Variants in AP1B1 observed in about 807,000 individuals in gnomAD.
AP1B1 encodes the protein AP-1 complex subunit beta-1.
Under a neutral mutation model 104.3 loss-of-function variants are expected in AP1B1, and 36 were observed. The ratio of observed to expected loss-of-function variants is 0.35; its 90% CI spans 0.26 to 0.46. AP1B1 has a LOEUF of 0.46. Among genes scored for constraint, AP1B1 ranks in the 20% least tolerant of loss-of-function variants. The pLI is 1.00. For missense variants in AP1B1, 901 were observed against 1,247.9 expected (o/e 0.72, Z 4.19); for synonymous variants, 504 against 517.5 (o/e 0.97, Z 0.35).
chr22:29,347,541 T>A (rs773020953), intron 11 of AP1B1, among the ~76,000 whole-genome samples: 1 of 152,094 alleles, frequency 6.6e-6, no homozygotes, highest in Non-Finnish European at 1.5e-5. Context: ...ACCCACGGGA[T>A]TACACAACCC....
intron 14 of AP1B1, among the ~76,000 whole-genome samples, chr22:29,340,117 C>G (rs2061692464): frequency 6.6e-6 from 1 of 152,144 alleles, no homozygotes; most frequent in Admixed American, 6.5e-5. Context: ...CACACATGGT[C>G]CTGCCAGTTG....
intron 10 of AP1B1, 95 bp downstream of exon 10, chr22:29,349,940 G>T: frequency 1.0e-6 from 1 of 973,436 alleles, no homozygotes; most frequent in African/African-American, 1.6e-5. Context: ...TGGCCAAGAA[G>T]TAAGGAAGAG....
chr22:29,362,507 C>T (rs1482376908), intron 3 of AP1B1, among the ~76,000 whole-genome samples: 6 of 151,876 alleles, frequency 4.0e-5, no homozygotes, highest in Admixed American at 1.3e-4. Context: ...CCACCATGCC[C>T]GGCTACTTTT....
intron 1 of AP1B1, among the ~76,000 whole-genome samples, chr22:29,371,654 A>C (rs780479907): frequency 2.0e-5 from 3 of 152,052 alleles, no homozygotes; most frequent in Non-Finnish European, 4.4e-5. Flanking sequence ...GCATGAACCC[A>C]GAGGCGGAGC....
At chr22:29,387,701 G>GCCTTGC (rs1420806931) in intron 1 of AP1B1, among the ~76,000 whole-genome samples, 1 of 152,308 alleles carries the variant, frequency 6.6e-6, no homozygotes, top group East Asian at 1.9e-4. Flanking sequence ...AGAAAACCTG[G>GCCTTGC]CCTTGCCTCT....
At chr22:29,354,439 GC>G (rs34038047) in intron 7 of AP1B1, among the ~76,000 whole-genome samples, 2 of 152,074 alleles carry the variant, frequency 1.3e-5, no homozygotes, top group African/African-American at 2.4e-5. Flanking sequence ...CCGGTAGCAT[GC>G]CCCCCTCAGC....
chr22:29,332,137 C>T (rs1392818298), intron 17 of AP1B1: 1 of 498,238 alleles, frequency 2.0e-6, no homozygotes, highest in African/African-American at 1.9e-5. Context: ...AATTGCTCTG[C>T]TCTGCCCCAG....
At chr22:29,360,208 G>A (rs906070519) in intron 3 of AP1B1, among the ~76,000 whole-genome samples, 3 of 152,134 alleles carry the variant, frequency 2.0e-5, no homozygotes, top group African/African-American at 7.2e-5. Flanking sequence ...TCAAACATGA[G>A]TTCTGGAGCC....
chr22:29,366,833 GAC>G (rs200885223), intron 2 of AP1B1, among the ~76,000 whole-genome samples: 23,051 of 131,064 alleles, frequency 0.18, 2,041 homozygotes, highest in South Asian at 0.3. Context: ...CTTGGATAAG[GAC>G]ACACACACAC....
At position 29,340,674 on chromosome 22, in the gene AP1B1, G is replaced by T. The variant is rs748849742; in HGVS notation, c.1980C>A (p.Gly660=). The change falls in exon 14 of 23, where the codon GGC becomes GGA. Residue 660 remains glycine, a synonymous_variant. Transcript: ENST00000357586. ...AACATACCAGGCTGTCAAGGCCACC[G>T]CCAAGAAGGTCCACAGCTCCCATCT... The part of the protein sequence containing the change: ...SVQMGAVDLL[G]GGLDSLMGDE... 2 of 1,565,242 alleles carry T rather than the reference G, an allele frequency of 1.3e-6. No homozygotes were observed. Among genetic ancestry groups the T allele is most frequent in the South Asian group, 2.4e-5 (2 of 85,032 alleles).
intron 16 of AP1B1, 117 bp downstream of exon 16, chr22:29,338,873 T>A (rs2061673711): frequency 2.1e-6 from 3 of 1,415,280 alleles, no homozygotes; most frequent in Non-Finnish European, 2.9e-6. Flanking sequence ...GGCCCCCAGC[T>A]TCCCTCATCA....
chr22:29,339,748 C>A lies in AP1B1; in HGVS notation c.2019+6G>T. 1 of 1,609,608 alleles carries A rather than the reference C, an allele frequency of 6.2e-7. No homozygotes were observed. Among genetic ancestry groups the A allele is most frequent in the Non-Finnish European group, 8.5e-7 (1 of 1,178,076 alleles). Reference sequence around the variant, plus strand: ...AAGGCTTGGTGACGCAAGGGTTGAACCATACCCCTTCAGGCTCATCCCCCA... The same window carrying A: ...AAGGCTTGGTGACGCAAGGGTTGAAACATACCCCTTCAGGCTCATCCCCCA... On this transcript the variant is annotated splice_donor_region_variant and intron_variant, in intron 15 of 22. Coordinates refer to ENST00000357586, the MANE Select transcript of AP1B1 (RefSeq NM_001127.4).
rs1288782564 is a variant in AP1B1 at position 29,331,808 on chromosome 22, C to T, written c.2418G>A (p.Met806Ile). ...PLSTVGSVMK[M>I]EPLNNLQVAV... is the part of the protein sequence containing the mutation. ...CCACCTGGAGGTTGTTCAGAGGCTCCATCTTCATGACCGAGCCCACCGTGC... is the reference window on the plus strand; with the variant it reads ...CCACCTGGAGGTTGTTCAGAGGCTCTATCTTCATGACCGAGCCCACCGTGC... The change falls in exon 18 of 23, where the codon ATG (methionine) becomes ATA (isoleucine). Residue 806 changes from methionine (M) to isoleucine (I), a missense_variant. Met to Ile is a conservative substitution (Grantham distance 10). Around this residue, in one of 3 missense-constraint regions of AP1B1, gnomAD observed 424 missense variants for 494.0 expected, o/e 0.86. Transcript: ENST00000357586. 3 of 1,614,042 alleles carry T rather than the reference C, an allele frequency of 1.9e-6. No homozygotes were observed. The highest frequency in any genetic ancestry group is 2.5e-6 in the Non-Finnish European group (3 of 1,180,032).
Position 29,329,731 on chromosome 22 carries a change from G to T in AP1B1, c.2767-11C>A, listed in dbSNP as rs769123315. On this transcript the variant is annotated splice_polypyrimidine_tract_variant and intron_variant, in intron 21 of 22. Transcript: ENST00000357586. ...GCTAACCTCTAAGTCCTGCACCACG[G>T]GAACCAGCAGGGAAGGTGACATGCA... 6.2e-7 allele frequency: 1 copy of T among 1,613,644 alleles called. No homozygotes were observed. The highest frequency in any genetic ancestry group is 1.7e-5 in the Admixed American group (1 of 59,972).
In AP1B1 at chr22:29,341,772, G is replaced by T. The variant is rs1290562438; in HGVS notation, c.1537-12C>A. 1 of 1,596,808 alleles carries T rather than the reference G, an allele frequency of 6.3e-7. No individual in the cohort carries two copies. The highest frequency in any genetic ancestry group is 2.2e-5 in the East Asian group (1 of 44,528). ...GGGTTATCTGAGTCCTTGTGGGGGT[G>T]AGGAGAAGCCCATGAAACTCAGAGT... On this transcript the variant is annotated splice_polypyrimidine_tract_variant and intron_variant, in intron 12 of 22. Coordinates refer to ENST00000357586, the MANE Select transcript of AP1B1 (RefSeq NM_001127.4).
intron 2 of AP1B1, among the ~76,000 whole-genome samples, chr22:29,364,709 C>T (rs186576435): frequency 3.3e-5 from 5 of 150,642 alleles, no homozygotes; most frequent in African/African-American, 4.9e-5. Flanking sequence ...CCACCACGCC[C>T]GGCCATTTTT....
intron 5 of AP1B1, among the ~76,000 whole-genome samples, chr22:29,357,425 G>C (rs2061976251): frequency 6.6e-6 from 1 of 152,082 alleles, no homozygotes; most frequent in South Asian, 2.1e-4. Flanking sequence ...GAGTGTAGTG[G>C]TGCAATCTTG....
intron 16 of AP1B1, among the ~76,000 whole-genome samples, chr22:29,334,823 G>A (rs771320995): frequency 6.6e-6 from 1 of 152,228 alleles, no homozygotes; most frequent in Non-Finnish European, 1.5e-5. Flanking sequence ...CTGGGCCTCG[G>A]CCAGAATCTG....
intron 12 of AP1B1, 84 bp from the exon 13 acceptor site, chr22:29,341,844 G>A (rs1272455878): frequency 1.3e-6 from 2 of 1,485,372 alleles, no homozygotes; most frequent in Non-Finnish European, 1.8e-6. Flanking sequence ...TGAGCCAGGT[G>A]CGGCACAGGG....
Sources: gnomAD v4.1 joint callset for allele counts (sites outside exome capture counted in the v4.1 genomes callset) on GRCh38, gnomAD v4.1.1 for gene constraint, gnomAD v4.1.1 regional missense constraint, MANE v1.5 for transcripts, NCBI Gene and HGNC (gene_info 2026-07-23, HGNC 2026-07-21) for gene names.